The following BCAS3 variants were observed in gnomAD, a reference collection of about 807,000 sequenced individuals.
BCAS3 encodes the protein BCAS3 microtubule associated cell migration factor.
A neutral mutation model predicts 116.1 loss-of-function variants in BCAS3; 53 were observed. That is an observed-to-expected ratio of 0.46 (90% CI 0.37 to 0.57). BCAS3 has a LOEUF of 0.57. BCAS3 is among the 20% of genes least tolerant of loss of function. The pLI is 0.00. For synonymous variants in BCAS3, 391 were observed against 408.2 expected (o/e 0.96, Z 0.51); for missense variants, 917 against 1,165.4 (o/e 0.79, Z 3.10).
intron 13 of BCAS3, among the ~76,000 whole-genome samples, chr17:60,935,512 C>G (rs1343191173): frequency 6.6e-6 from 1 of 152,036 alleles, no homozygotes; most frequent in East Asian, 1.9e-4. Flanking sequence ...ATGGATCAGC[C>G]ATTTTTCTTA....
intron 22 of BCAS3, among the ~76,000 whole-genome samples, chr17:61,114,861 A>G (rs1176285535): frequency 6.6e-6 from 1 of 151,674 alleles, no homozygotes; most frequent in Non-Finnish European, 1.5e-5. Context: ...TACAGTAACC[A>G]AAACAGCATG....
intron 14 of BCAS3, among the ~76,000 whole-genome samples, chr17:60,988,458 G>A (rs2063324250): frequency 6.6e-6 from 1 of 150,504 alleles, no homozygotes. Flanking sequence ...AGTTGGAGTA[G>A]GATTGGTATT....
chr17:60,717,199 T>TTTC (rs200946708), intron 5 of BCAS3, among the ~76,000 whole-genome samples: 12 of 151,238 alleles, frequency 7.9e-5, no homozygotes, highest in East Asian at 7.7e-4. Context: ...TTCTTTTTCT[T>TTTC]TTCTTCTTCT....
At chr17:60,763,731 C>T (rs1271920439) in intron 6 of BCAS3, among the ~76,000 whole-genome samples, 1 of 152,102 alleles carries the variant, frequency 6.6e-6, no homozygotes, top group African/African-American at 2.4e-5. Flanking sequence ...AGGGAGGGTT[C>T]CCTCTTTTTC....
rs1291462874 is a variant in BCAS3 at position 61,377,682 on chromosome 17, A to T, written c.2593+9188A>T. On this transcript the variant is annotated intron_variant, in intron 23 of 23. Transcript: ENST00000407086. The surrounding 1 kb of genome is among the most constrained non-coding windows in gnomAD (Gnocchi z 4.6). ...CTCTGATGTCCTGGCTGCTGCAGGG[A>T]GCACTCGGTCTCTCTCTTTTACTCC... 1 of 152,160 alleles carries T rather than the reference A, an allele frequency of 6.6e-6. No individual in the cohort carries two copies. Among genetic ancestry groups the T allele is most frequent in the African/African-American group, 2.4e-5 (1 of 41,416 alleles). The allele number at this position is 152,160 out of a possible 1,614,324, so 9.4% of individuals were successfully genotyped here.
chr17:60,772,091 A>T (rs1303182410), intron 6 of BCAS3, among the ~76,000 whole-genome samples: 1 of 152,204 alleles, frequency 6.6e-6, no homozygotes, highest in Admixed American at 6.5e-5. Context: ...TGGCTGGGTC[A>T]AATGCTATTT....
intron 13 of BCAS3, among the ~76,000 whole-genome samples, chr17:60,941,746 A>T (rs983269279): frequency 1.3e-5 from 2 of 152,202 alleles, no homozygotes; most frequent in African/African-American, 4.8e-5. Flanking sequence ...GATGAATGCC[A>T]GTTTGAAAAG....
chr17:61,044,369 C>G (rs2067814504), intron 19 of BCAS3, among the ~76,000 whole-genome samples: 1 of 150,220 alleles, frequency 6.7e-6, no homozygotes, highest in Non-Finnish European at 1.5e-5. Context: ...ATGGCGTGAG[C>G]CTGGGAGGCG....
chr17:61,032,913 C>T lies in BCAS3; in HGVS notation c.1638-1753C>T, dbSNP rs1035046731. 1.3e-5 allele frequency among the ~76,000 whole-genome samples: 2 copies of T among 152,038 alleles called. No homozygotes were observed. The highest frequency in any genetic ancestry group is 1.3e-4 in the Admixed American group (2 of 15,260). On this transcript the variant is annotated intron_variant, in intron 16 of 23. Transcript: ENST00000407086. This position sits in a 1 kb window ranked among gnomAD's most constrained non-coding sequence, Gnocchi z 4.6. ...CTTTCATATATAGTAATATGCATTA[C>T]CATGGATTTTGTTCAAAGTGGGGAG...
rs1166235852 is a variant in BCAS3, at chr17:60,747,186, T to C, written c.322-12T>C. 4 of 1,576,900 alleles carry C rather than the reference T, an allele frequency of 2.5e-6. No individual in the cohort carries two copies. In the African/African-American group the frequency reaches 5.4e-5, roughly 21 times the overall value. ...TTTCCCACTGAAATATTTTCTTTCT[T>C]CTCTTATGCAGATCAGTGGTGAAGC... is the stretch of plus-strand genomic sequence containing the variant. On this transcript the variant is annotated splice_polypyrimidine_tract_variant and intron_variant, in intron 5 of 23. Transcript: ENST00000407086.
At chr17:60,895,048 G>A (rs558322423) in intron 10 of BCAS3, among the ~76,000 whole-genome samples, 1 of 152,222 alleles carries the variant, frequency 6.6e-6, no homozygotes, top group African/African-American at 2.4e-5. Context: ...TCCTTGTCTG[G>A]TTTTGGTATC....
intron 15 of BCAS3, among the ~76,000 whole-genome samples, chr17:61,002,989 A>G (rs928860982): frequency 1.3e-5 from 2 of 152,030 alleles, no homozygotes; most frequent in African/African-American, 4.8e-5. Context: ...ATATAATTTT[A>G]TAGTGAAAGG....
chr17:61,347,134 G>A lies in BCAS3; in HGVS notation c.2426-21193G>A, dbSNP rs942941651. Among the ~76,000 whole-genome samples the A allele has an allele frequency of 6.6e-6, 1 of 152,106 alleles. No homozygotes were observed. The highest frequency in any genetic ancestry group is 1.5e-5 in the Non-Finnish European group (1 of 68,012). On this transcript the variant is annotated intron_variant, in intron 22 of 23. Coordinates refer to ENST00000407086, the MANE Select transcript of BCAS3 (RefSeq NM_017679.5). This position sits in a 1 kb window ranked among gnomAD's most constrained non-coding sequence, Gnocchi z 4.3. Reference sequence around the variant, plus strand: ...CTGTCACCCAGGCTGGAGTGCAGTGGTGCAATCTCAGCTCACCGCAACCTC... The same window carrying A: ...CTGTCACCCAGGCTGGAGTGCAGTGATGCAATCTCAGCTCACCGCAACCTC...
At chr17:60,857,138 A>G (rs1291468818) in intron 7 of BCAS3, among the ~76,000 whole-genome samples, 1 of 152,218 alleles carries the variant, frequency 6.6e-6, no homozygotes, top group African/African-American at 2.4e-5. Context: ...ATTTGCATTC[A>G]TTTCTATTTA....
At chr17:61,306,351 A>G (rs967354562) in intron 22 of BCAS3, among the ~76,000 whole-genome samples, 3 of 152,226 alleles carry the variant, frequency 2.0e-5, no homozygotes, top group African/African-American at 4.8e-5. Flanking sequence ...ACTATTTATT[A>G]CCTAGACTGC....
chr17:60,840,612 G>A (rs2051815987), intron 7 of BCAS3, among the ~76,000 whole-genome samples: 1 of 152,072 alleles, frequency 6.6e-6, no homozygotes, highest in South Asian at 2.1e-4. Flanking sequence ...ATTTGACTAG[G>A]CCTCACTGCA....
intron 6 of BCAS3, among the ~76,000 whole-genome samples, chr17:60,760,905 C>T (rs1050790114): frequency 4.6e-5 from 7 of 151,988 alleles, no homozygotes; most frequent in Non-Finnish European, 8.8e-5. Flanking sequence ...CATTCTTTTT[C>T]ATCCTTTTTT....
At position 61,104,147 on chromosome 17, in the gene BCAS3, A is replaced by C. The variant is rs544580269; in HGVS notation, c.2425+19583A>C. The stretch of plus-strand genomic sequence containing the variant: ...TTACCAAAATGACTATTTCACTTGG[A>C]AAGTTTTGTCTTTTCTGTAAAAATT... On this transcript the variant is annotated intron_variant, in intron 22 of 23. Transcript: ENST00000407086. This position sits in a 1 kb window ranked among gnomAD's most constrained non-coding sequence, Gnocchi z 4.1. 5.3e-5 allele frequency among the ~76,000 whole-genome samples: 8 copies of C among 152,246 alleles called. 1 individual carries two copies. The South Asian group carries it at 1.2e-3, about 24-fold the overall frequency.
chr17:61,364,423 T>C lies in BCAS3; in HGVS notation c.2426-3904T>C, dbSNP rs2058622595. On this transcript the variant is annotated intron_variant, in intron 22 of 23. Transcript: ENST00000407086. The surrounding 1 kb of genome is among the most constrained non-coding windows in gnomAD (Gnocchi z 5.4). ...GAAAGATAGAAGTGGTTTACACATA[T>C]TGTGGTTCTTGGCCAGGCGCAGTGG... Among the ~76,000 whole-genome samples the C allele has an allele frequency of 6.6e-6, 1 of 152,166 alleles. No homozygotes were observed. Among genetic ancestry groups the C allele is most frequent in the Non-Finnish European group, 1.5e-5 (1 of 68,016 alleles).
Sources: allele counts gnomAD v4.1 joint callset (sites outside exome capture counted in the v4.1 genomes callset), GRCh38; gene constraint gnomAD v4.1.1; non-coding constraint Gnocchi (gnomAD v3.1); transcripts MANE v1.5; gene names NCBI Gene and HGNC (gene_info 2026-07-23, HGNC 2026-07-21).